The following MPDZ variants were observed in gnomAD, a reference collection of about 807,000 sequenced individuals.
MPDZ encodes multiple PDZ domain protein.
In MPDZ, 234 loss-of-function variants were observed where a neutral mutation model predicts 239.1. The observed-to-expected ratio is 0.98, with a 90% CI of 0.88 to 1.09. MPDZ has a LOEUF of 1.09. Among genes scored for constraint, MPDZ ranks in the 50% least tolerant of loss-of-function variants. The pLI is 0.00. For synonymous variants in MPDZ, 1,048 were observed against 881.3 expected (o/e 1.19, Z -3.35); for missense variants, 3,175 against 2,510.0 (o/e 1.26, Z -5.66).
intron 10 of MPDZ, among the ~76,000 whole-genome samples, chr9:13,213,025 T>C (rs770201365): frequency 3.3e-5 from 5 of 152,054 alleles, no homozygotes; most frequent in African/African-American, 7.2e-5. Flanking sequence ...AAGGCAACGT[T>C]TGACACTTTT....
At chr9:13,257,031 C>A (rs1052055693) in intron 1 of MPDZ, among the ~76,000 whole-genome samples, 3 of 152,138 alleles carry the variant, frequency 2.0e-5, no homozygotes, top group African/African-American at 7.2e-5. Flanking sequence ...TGTTCCAAGG[C>A]GTGGGACAAC....
intron 1 of MPDZ, among the ~76,000 whole-genome samples, chr9:13,251,020 T>A (rs1182412218): frequency 1.4e-5 from 2 of 148,002 alleles, no homozygotes; most frequent in Admixed American, 1.4e-4. Context: ...TCCCAGCTAC[T>A]CAGGATGCGG....
intron 32 of MPDZ, among the ~76,000 whole-genome samples, chr9:13,129,122 AC>A (rs1371677717): frequency 1.3e-5 from 2 of 152,204 alleles, no homozygotes; most frequent in Non-Finnish European, 2.9e-5. Context: ...CTAGAATACT[AC>A]AAAAACAACT....
chr9:13,242,816 T>G (rs187571977), intron 3 of MPDZ, among the ~76,000 whole-genome samples: 1 of 152,264 alleles, frequency 6.6e-6, no homozygotes, highest in Non-Finnish European at 1.5e-5. Context: ...GCCCAGTCAT[T>G]TTTTGCTGTA....
rs754553029 is a variant in MPDZ at position 13,193,305 on chromosome 9, A to G, written c.1665T>C (p.His555=). 3 of 1,590,436 alleles carry G rather than the reference A, an allele frequency of 1.9e-6. No individual in the cohort carries two copies. The highest frequency in any genetic ancestry group is 2.2e-5 in the East Asian group (1 of 44,690). Reference sequence around the variant, plus strand: ...CACTGTTCTCACTAAACTTGCTCACATGGGCCACCTGAAAAGAAAAAAAAA... The same window carrying G: ...CACTGTTCTCACTAAACTTGCTCACGTGGGCCACCTGAAAAGAAAAAAAAA... ...MGINYEIVVA[H]VSKFSENSGL... is the part of the protein sequence containing the mutation. The change falls in exon 14 of 47, where the codon CAT becomes CAC. Residue 555 remains histidine (H), a synonymous_variant. Coordinates refer to ENST00000319217, the MANE Select transcript of MPDZ (RefSeq NM_001378778.1).
intron 32 of MPDZ, among the ~76,000 whole-genome samples, chr9:13,132,098 A>T (rs1587059162): frequency 6.6e-6 from 1 of 152,256 alleles, no homozygotes; most frequent in Non-Finnish European, 1.5e-5. Flanking sequence ...CGGGCAATAC[A>T]TTGAGGTTCT....
intron 3 of MPDZ, among the ~76,000 whole-genome samples, chr9:13,231,151 G>C (rs1280699531): frequency 1.3e-5 from 2 of 151,876 alleles, no homozygotes; most frequent in Admixed American, 1.3e-4. Flanking sequence ...TAAATTTCCA[G>C]CATTGGGAAT....
Position 13,235,960 on chromosome 9 carries a change from A to C in MPDZ, c.184-11377T>G, listed in dbSNP as rs188879077. On this transcript the variant is annotated intron_variant, in intron 3 of 46. Coordinates refer to ENST00000319217, the MANE Select transcript of MPDZ (RefSeq NM_001378778.1). The stretch of plus-strand genomic sequence containing the variant: ...TACCCAGTGTAACACTGATTGTTAT[A>C]ACCTGTTAAATGACAAAATCAAATA... Among the ~76,000 whole-genome samples, 7 of 152,138 alleles carry C rather than the reference A, an allele frequency of 4.6e-5. No individual in the cohort carries two copies. The East Asian group carries it at 1.4e-3, about 30-fold the overall frequency.
In MPDZ at chr9:13,217,206, G is replaced by T; in HGVS notation, c.1175C>A (p.Ala392Asp). 1.3e-6 allele frequency: 2 copies of T among 1,595,306 alleles called. No individual in the cohort carries two copies. Among genetic ancestry groups the T allele is most frequent in the Non-Finnish European group, 8.5e-7 (1 of 1,171,642 alleles). ...CAATTTTTTATCTCCAATGTAGCCAGCAATGGTAATTCCTAATCCTTGGAC... is the reference window on the plus strand; with the variant it reads ...CAATTTTTTATCTCCAATGTAGCCATCAATGGTAATTCCTAATCCTTGGAC... ...KNVQGLGITIAGYIGDKKLEP... is the reference protein window; with the variant it reads ...KNVQGLGITIDGYIGDKKLEP... The change falls in exon 9 of 47, where the codon GCT becomes GAT. Residue 392 changes from alanine to aspartate, a missense_variant. By Grantham distance (126) the Ala-to-Asp change is moderately radical. Transcript: ENST00000319217.
At chr9:13,166,762 G>GA (rs1371851557) in intron 22 of MPDZ, among the ~76,000 whole-genome samples, 1 of 152,048 alleles carries the variant, frequency 6.6e-6, no homozygotes, top group Non-Finnish European at 1.5e-5. Context: ...AAATTCTGCT[G>GA]AATCAGTGGG....
At chr9:13,251,335 T>G (rs1588123402) in intron 1 of MPDZ, among the ~76,000 whole-genome samples, 1 of 152,116 alleles carries the variant, frequency 6.6e-6, no homozygotes, top group East Asian at 1.9e-4. Flanking sequence ...CAAAGAAATC[T>G]TCTCAACTCC....
chr9:13,248,194 C>T (rs560849744), intron 2 of MPDZ, among the ~76,000 whole-genome samples: 1 of 148,830 alleles, frequency 6.7e-6, no homozygotes, highest in South Asian at 2.1e-4. Flanking sequence ...GGCCACTGCA[C>T]TCCAGCCTGG....
chr9:13,271,363 G>C (rs759654274), intron 1 of MPDZ, among the ~76,000 whole-genome samples: 1 of 152,154 alleles, frequency 6.6e-6, no homozygotes, highest in Admixed American at 6.5e-5. Context: ...TTTGGCATCA[G>C]TATTATTTTG....
intron 23 of MPDZ, among the ~76,000 whole-genome samples, 195 bp downstream of exon 23, chr9:13,162,496 A>T (rs543835524): frequency 6.6e-6 from 1 of 151,994 alleles, no homozygotes; most frequent in Admixed American, 6.6e-5. Context: ...TTGAATATTT[A>T]TATATTTCTC....
At chr9:13,150,828 T>C (rs1949068490) in intron 24 of MPDZ, 140 bp from the exon 25 acceptor site, 2 of 568,472 alleles carry the variant, frequency 3.5e-6, no homozygotes, top group Non-Finnish European at 2.6e-6. Flanking sequence ...ATGTACTTTA[T>C]CAAAATTAAA....
At chr9:13,202,268 G>A (rs939391907) in intron 12 of MPDZ, among the ~76,000 whole-genome samples, 20 of 152,264 alleles carry the variant, frequency 1.3e-4, no homozygotes, top group Admixed American at 3.9e-4. Flanking sequence ...AGTGAGCACT[G>A]AAAATTAAAC....
intron 8 of MPDZ, among the ~76,000 whole-genome samples, chr9:13,218,563 A>T (rs1958656727): frequency 6.6e-6 from 1 of 151,942 alleles, no homozygotes; most frequent in South Asian, 2.1e-4. Context: ...AAAAAATAGC[A>T]ACCAAATTCA....
chr9:13,168,484 C>T lies in MPDZ; in HGVS notation c.3136G>A (p.Gly1046Ser). 8 of 1,613,512 alleles carry T rather than the reference C, an allele frequency of 5.0e-6. No individual in the cohort carries two copies. Among genetic ancestry groups the T allele is most frequent in the Non-Finnish European group, 6.8e-6 (8 of 1,179,600 alleles). The change falls in exon 22 of 47, where the codon GGC becomes AGC. Residue 1046 changes from glycine (G) to serine (S), a missense_variant. Transcript: ENST00000319217. ...IIHGGAISRD[G>S]RIAIGDCILS... ...ATGCAGTCCCCAATGGCAATCCGGC[C>T]ATCTCGACTAATGGCACCTCCATGA...
rs1193402258 is a variant in MPDZ at position 13,122,523 on chromosome 9, C to CTTTTTTTTTTTTTT, written c.4954-367_4954-354dup. Reference sequence around the variant, plus strand: ...CTACAAAGTATCAATTTTTCAAACTCTTTTTTTTTTTTTTTGAGACGTAGT... The same window carrying CTTTTTTTTTTTTTT: ...CTACAAAGTATCAATTTTTCAAACTCTTTTTTTTTTTTTTTTTTTTTTTTTTTTTGAGACGTAGT... On this transcript the variant is annotated intron_variant, in intron 36 of 46. Transcript: ENST00000319217. 1.6e-3 allele frequency among the ~76,000 whole-genome samples: 230 copies of CTTTTTTTTTTTTTT among 141,092 alleles called. 3 individuals are homozygous for CTTTTTTTTTTTTTT. Among genetic ancestry groups the CTTTTTTTTTTTTTT allele is most frequent in the African/African-American group, 4.9e-3 (187 of 37,810 alleles). 92.6% of individuals were successfully genotyped at this position (141,092 alleles called of 152,430 possible).
Sources: allele counts gnomAD v4.1 joint callset (sites outside exome capture counted in the v4.1 genomes callset), GRCh38; gene constraint gnomAD v4.1.1; transcripts MANE v1.5; gene names NCBI Gene and HGNC (gene_info 2026-07-23, HGNC 2026-07-21).